The following NTRK1 variants were observed in gnomAD, a reference collection of about 807,000 sequenced individuals.
The protein encoded by NTRK1 is high affinity nerve growth factor receptor.
In NTRK1, 62 loss-of-function variants were observed where a neutral mutation model predicts 86.8. That is an observed-to-expected ratio of 0.71 (90% CI 0.58 to 0.88). NTRK1 has a LOEUF of 0.88. Ranked by LOEUF, NTRK1 falls within the 40% of genes least tolerant of loss-of-function variation. NTRK1 has a pLI of 0.00. For synonymous variants in NTRK1, 469 were observed against 456.6 expected, an observed-to-expected ratio of 1.03 and a Z score of -0.35; for missense variants, 967 against 1,078.4, an observed-to-expected ratio of 0.90 and a Z score of 1.45.
chr1:156,863,550 G>A (rs1179629068), intron 1 of NTRK1, among the ~76,000 whole-genome samples: 1 of 151,970 alleles, frequency 6.6e-6, no homozygotes, highest in African/African-American at 2.4e-5. Flanking sequence ...CTGATAGCCT[G>A]TAAGACTCTT....
chr1:156,852,909 C>T (rs533938079), intron 2 of NTRK1, among the ~76,000 whole-genome samples: 2 of 152,282 alleles, frequency 1.3e-5, no homozygotes, highest in South Asian at 4.1e-4. Context: ...CGCCCTGCTG[C>T]TGAGGCGCTG....
intron 1 of NTRK1, among the ~76,000 whole-genome samples, chr1:156,817,914 A>AT (rs1034833480): frequency 6.6e-6 from 1 of 152,156 alleles, no homozygotes; most frequent in African/African-American, 2.4e-5. Flanking sequence ...AAGTGTTGGG[A>AT]TTACAGGCGT....
At chr1:156,840,653 C>T in intron 1 of NTRK1, 1 of 590,314 alleles carries the variant, frequency 1.7e-6, no homozygotes. Flanking sequence ...CTGGCTTTGA[C>T]CCTGCTTGCT....
intron 2 of NTRK1, chr1:156,845,760 TC>T: frequency 6.2e-7 from 1 of 1,613,068 alleles, no homozygotes; most frequent in African/African-American, 1.3e-5. Context: ...GGCCTCAGGA[TC>T]CCCGTCTTCG....
intron 2 of NTRK1, among the ~76,000 whole-genome samples, chr1:156,847,183 T>G (rs1296384088): frequency 6.6e-6 from 1 of 152,202 alleles, no homozygotes; most frequent in Non-Finnish European, 1.5e-5. Flanking sequence ...GCCCTTGAAT[T>G]GACTTTGGAG....
In NTRK1 at chr1:156,815,768, G is replaced by T; in HGVS notation, c.-134G>T. The T allele has an allele frequency of 1.9e-6, 3 of 1,606,800 alleles. No individual in the cohort carries two copies. The Admixed American group carries it at 5.0e-5, about 27-fold the overall frequency. The stretch of plus-strand genomic sequence containing the variant: ...ATGCACTGCACCCTGGTCATCTGCG[G>T]ACTCAGCCTGAGCTTCCAGAGGGCC... On this transcript the variant is annotated 5_prime_UTR_variant, in exon 1 of 17. Transcript: ENST00000392302.
At chr1:156,875,354 G>A (rs1000770023) in intron 11 of NTRK1, among the ~76,000 whole-genome samples, 166 bp from the exon 12 acceptor site, 1 of 152,054 alleles carries the variant, frequency 6.6e-6, no homozygotes, top group South Asian at 2.1e-4. Flanking sequence ...GCCAGCACAG[G>A]GAGAGGCGGT....
chr1:156,815,826 G>A, exon 1 of NTRK1: 1 of 1,614,178 alleles, frequency 6.2e-7, no homozygotes, highest in East Asian at 2.2e-5. Context: ...GGGCAACTCG[G>A]CGCATGAAGG....
chr1:156,839,826 T>G (rs973386527), intron 1 of NTRK1, among the ~76,000 whole-genome samples: 4 of 152,188 alleles, frequency 2.6e-5, no homozygotes. Flanking sequence ...AAAGGTTCCC[T>G]GCCGGGCTCA....
At chr1:156,851,255 T>C (rs1274847364) in intron 2 of NTRK1, 2 of 1,612,518 alleles carry the variant, frequency 1.2e-6, no homozygotes, top group Non-Finnish European at 1.7e-6. Flanking sequence ...GGAAGGAGTG[T>C]AATAGAAGGA....
At chr1:156,867,118 G>A in intron 4 of NTRK1, 140 bp downstream of exon 4, 1 of 885,560 alleles carries the variant, frequency 1.1e-6, no homozygotes, top group Non-Finnish European at 1.9e-6. Context: ...GCATGCCAGT[G>A]AAACCCCCAT....
Position 156,876,192 on chromosome 1 carries a change from G to A in NTRK1, c.1614G>A (p.Lys538=), listed in dbSNP as rs2102917792. 6.2e-7 allele frequency: 1 copy of A among 1,614,150 alleles called. No individual in the cohort carries two copies. The highest frequency in any genetic ancestry group is 8.5e-7 in the Non-Finnish European group (1 of 1,180,030). Residue 538 remains lysine (K), a synonymous_variant, in exon 13 of 17, where the codon AAG becomes AAA. Coordinates refer to ENST00000524377, the MANE Select transcript of NTRK1 (RefSeq NM_002529.4). ...ECHNLLPEQD[K]MLVAVKALKE... ...ACAACCTCCTGCCTGAGCAGGACAA[G>A]ATGCTGGTGGCTGTCAAGGTGAGAC...
At chr1:156,849,513 G>GGGGGGGGGGGGGGGC in intron 2 of NTRK1, 8 of 486,120 alleles carry the variant, frequency 1.6e-5, no homozygotes, top group East Asian at 5.4e-5. Flanking sequence ...CAGGGGGTGG[G>GGGGGGGGGGGGGGGC]AAAGGGGATG....
In NTRK1 at chr1:156,860,956, G is replaced by T. The variant is rs894958112; in HGVS notation, c.22G>T (p.Gly8Trp). 29 of 1,502,694 alleles carry T rather than the reference G, an allele frequency of 1.9e-5. 1 individual carries two copies. In the South Asian group the frequency reaches 2.7e-4, roughly 14 times the overall value. The allele number at this position is 1,502,694 out of a possible 1,614,324, so 93.1% of individuals were successfully genotyped here. A position where few individuals can be genotyped will look rare whatever the true frequency, so the allele number is the denominator to read the frequency against. MLRGGRR[G>W]QLGWHSWAAG... Reference sequence around the variant, plus strand: ...CGCGATGCTGCGAGGCGGACGGCGCGGGCAGCTTGGCTGGCACAGCTGGGC... The same window carrying T: ...CGCGATGCTGCGAGGCGGACGGCGCTGGCAGCTTGGCTGGCACAGCTGGGC... The change falls in exon 1 of 17, where the codon GGG becomes TGG. Residue 8 changes from glycine (G) to tryptophan (W), a missense_variant. Gly to Trp is a radical substitution (Grantham distance 184, BLOSUM62 -2). This residue lies in a region of NTRK1 where 330 missense variants were observed against 302.0 expected (regional missense o/e 1.09). Transcript: ENST00000524377.
At position 156,874,379 on chromosome 1, in the gene NTRK1, G is replaced by T. The variant is rs776735291; in HGVS notation, c.1178-4G>T. On this transcript the variant is annotated splice_region_variant and splice_polypyrimidine_tract_variant and intron_variant, in intron 8 of 16. Transcript: ENST00000524377. ...ACTGCTTTCTCTCCTCCCTCCTGCT[G>T]CAGTCTCCTTCTCGCCGGTGGGTGA... 1.9e-6 allele frequency: 3 copies of T among 1,614,144 alleles called. No individual in the cohort carries two copies. Among genetic ancestry groups the T allele is most frequent in the Admixed American group, 1.7e-5 (1 of 60,022 alleles).
In NTRK1 at chr1:156,846,048, G is replaced by T. The variant is rs768540599; in HGVS notation, c.50+3855G>T. ...GTGAGGTTCCCATTGCGCTGGGTCG[G>T]TGGCTTCCAGCGCACCAGGAGGTGG... On this transcript the variant is annotated intron_variant, in intron 2 of 16. Coordinates refer to the NTRK1 transcript ENST00000392302. 5 of 1,613,338 alleles carry T rather than the reference G, an allele frequency of 3.1e-6. No homozygotes were observed. In the Admixed American group the frequency reaches 8.4e-5, roughly 27 times the overall value.
intron 1 of NTRK1, chr1:156,840,742 G>C (rs1234217239): frequency 4.0e-5 from 29 of 719,438 alleles, no homozygotes; most frequent in Non-Finnish European, 6.5e-5. Flanking sequence ...CCCTGCTCCT[G>C]TTCTCTGCCC....
intron 2 of NTRK1, chr1:156,845,407 AG>A (rs759375351): frequency 1.7e-5 from 26 of 1,559,300 alleles, no homozygotes; most frequent in Admixed American, 5.4e-5. Context: ...TCACCTTCCA[AG>A]GGGATCTGGG....
chr1:156,863,991 C>A (rs1655806238), intron 1 of NTRK1, among the ~76,000 whole-genome samples: 1 of 152,146 alleles, frequency 6.6e-6, no homozygotes, highest in Non-Finnish European at 1.5e-5. Flanking sequence ...GGCACATGTG[C>A]AGGTGCATGG....
Sources: gnomAD v4.1 joint callset for allele counts (sites outside exome capture counted in the v4.1 genomes callset) on GRCh38, gnomAD v4.1.1 for gene constraint, gnomAD v4.1.1 regional missense constraint, MANE v1.5 for transcripts, NCBI Gene and HGNC (gene_info 2026-07-23, HGNC 2026-07-21) for gene names.